Variants in SI observed in about 807,000 individuals in gnomAD.
SI encodes sucrase-isomaltase.
Under a neutral mutation model 253.3 loss-of-function variants are expected in SI, and 235 were observed. The ratio of observed to expected loss-of-function variants is 0.93; its 90% CI spans 0.83 to 1.03. The LOEUF (loss-of-function observed/expected upper bound fraction) is 1.03. Among genes scored for constraint, SI ranks in the 50% least tolerant of loss-of-function variants. The pLI, the probability that SI is intolerant of heterozygous loss-of-function variation, is 0.00. For missense variants in SI, 2,442 were observed against 2,211.1 expected (o/e 1.10, Z -2.09); for synonymous variants, 819 against 712.0 (o/e 1.15, Z -2.39).
At chr3:165,090,188 C>G in the SI span, among the ~76,000 whole-genome samples, 1 of 151,222 alleles carries the variant, frequency 6.6e-6, no homozygotes, top group Non-Finnish European at 1.5e-5. Context: ...AGAACCCCCC[C>G]GCATTGTCTC....
upstream of SI, among the ~76,000 whole-genome samples, chr3:165,083,214 G>A (rs1158306923): frequency 1.3e-5 from 2 of 151,828 alleles, no homozygotes; most frequent in Non-Finnish European, 2.9e-5. Flanking sequence ...AATAGGGTAT[G>A]TGGCTGTCCA....
At chr3:165,072,999 A>G (rs1307554917) in intron 3 of SI, among the ~76,000 whole-genome samples, 1 of 152,136 alleles carries the variant, frequency 6.6e-6, no homozygotes, top group Admixed American at 6.6e-5. Context: ...TCACAAATAT[A>G]GTTTATTTCA....
chr3:165,078,745 T>C (rs985003646), upstream of SI, among the ~76,000 whole-genome samples: 5 of 151,638 alleles, frequency 3.3e-5, no homozygotes, highest in Non-Finnish European at 7.4e-5. Context: ...TAGTTCTTTC[T>C]ATTTTTTCTC....
At chr3:165,014,608 GA>G (rs1232673756) in intron 33 of SI, among the ~76,000 whole-genome samples, 1 of 151,950 alleles carries the variant, frequency 6.6e-6, no homozygotes. Flanking sequence ...TTTACTATGA[GA>G]TTTTTTTCTT....
Position 164,994,287 on chromosome 3 carries a change from C to T in SI, c.4811G>A (p.Gly1604Asp). The T allele has an allele frequency of 1.9e-6, 3 of 1,611,006 alleles. No individual in the cohort carries two copies. Among genetic ancestry groups the T allele is most frequent in the South Asian group, 1.1e-5 (1 of 91,042 alleles). ...CAAAAGGGGTCGGATAACAGTGCCA[C>T]CATTAGCATGAATTTCATGCATTTG... ...YTQMHEIHANGGTVIRPLLHE... is the reference protein window; with the variant it reads ...YTQMHEIHANDGTVIRPLLHE... Residue 1604 changes from glycine (G) to aspartate (D), a missense_variant, in exon 41 of 48, where the codon GGT (glycine) becomes GAT (aspartate). Gly to Asp is a moderately conservative substitution (Grantham distance 94). Coordinates refer to ENST00000264382, the MANE Select transcript of SI (RefSeq NM_001041.4).
At chr3:165,072,517 C>T (rs570787933) in intron 3 of SI, among the ~76,000 whole-genome samples, 324 of 151,954 alleles carry the variant, frequency 2.1e-3, no homozygotes, top group African/African-American at 7.5e-3. Context: ...TATTTAGGCC[C>T]GTTTTCTAAT....
the SI span, among the ~76,000 whole-genome samples, chr3:165,083,643 G>T: frequency 6.6e-6 from 1 of 152,006 alleles, no homozygotes; most frequent in South Asian, 2.1e-4. Flanking sequence ...CAAGATATTG[G>T]CCATTGAATT....
At chr3:165,041,775 T>G (rs1371532328) in intron 17 of SI, among the ~76,000 whole-genome samples, 1 of 152,070 alleles carries the variant, frequency 6.6e-6, no homozygotes, top group South Asian at 2.1e-4. Flanking sequence ...ATAACAATAT[T>G]AACTGAAGAC....
rs1265089938 is a variant in SI, at chr3:165,021,343, G to A, written c.3140C>T (p.Pro1047Leu). ...TATTGGGGTGGTTGGAATGTTTAACGGTACTGGTACTTCATATCTCTTCTT... is the reference window on the plus strand; with the variant it reads ...TATTGGGGTGGTTGGAATGTTTAACAGTACTGGTACTTCATATCTCTTCTT... ...PQKKRYEVPV[P>L]LNIPTTPIST... is the part of the protein sequence containing the mutation. Residue 1047 changes from proline to leucine, a missense_variant, in exon 27 of 48, where the codon CCG becomes CTG. Transcript: ENST00000264382. The A allele has an allele frequency of 6.2e-6, 10 of 1,610,318 alleles. No individual in the cohort carries two copies. The East Asian group carries it at 1.1e-4, about 18-fold the overall frequency.
intron 16 of SI, 34 bp from the exon 17 acceptor site, chr3:165,043,209 T>C: frequency 1.4e-6 from 2 of 1,445,200 alleles, no homozygotes; most frequent in Non-Finnish European, 1.9e-6. Flanking sequence ...TTTATAATGT[T>C]AAGATTCTCA....
chr3:165,029,946 C>T (rs1175479583), intron 25 of SI, among the ~76,000 whole-genome samples: 1 of 150,398 alleles, frequency 6.6e-6, no homozygotes, highest in Non-Finnish European at 1.5e-5. Flanking sequence ...GATTATGCTG[C>T]TTTAACAATT....
chr3:164,990,668 G>T (rs1279189163), intron 44 of SI, among the ~76,000 whole-genome samples: 2 of 152,056 alleles, frequency 1.3e-5, no homozygotes, highest in African/African-American at 4.8e-5. Flanking sequence ...AACACCGCAT[G>T]TTCTCAGTCA....
At chr3:165,032,466 T>A in intron 24 of SI, 56 bp downstream of exon 24, 1 of 1,188,792 alleles carries the variant, frequency 8.4e-7, no homozygotes, top group Non-Finnish European at 1.2e-6. Flanking sequence ...AATGGTTATA[T>A]AATATTAAAT....
In SI at chr3:165,068,915, C is replaced by A. The variant is rs910595696; in HGVS notation, c.374-84G>T. On this transcript the variant is annotated intron_variant, in intron 4 of 47. Coordinates refer to ENST00000264382, the MANE Select transcript of SI (RefSeq NM_001041.4). ...AAATATATTTATGTTATTGTATTTA[C>A]CACAAATGAGTACTTTTTAAATTTG... 4 of 1,039,530 alleles carry A rather than the reference C, an allele frequency of 3.8e-6. No homozygotes were observed. In the African/African-American group the frequency reaches 6.4e-5, roughly 17 times the overall value. The allele number at this position is 1,039,530 out of a possible 1,614,324, so 64.4% of individuals were successfully genotyped here. A position where few individuals can be genotyped will look rare whatever the true frequency, so the allele number is the denominator to read the frequency against.
At chr3:165,059,709 A>T (rs1217962338) in intron 10 of SI, among the ~76,000 whole-genome samples, 193 bp downstream of exon 10, 1 of 152,002 alleles carries the variant, frequency 6.6e-6, no homozygotes, top group Non-Finnish European at 1.5e-5. Flanking sequence ...TGATTCTTCA[A>T]AAGCATATAT....
At chr3:165,085,005 A>C in the SI span, among the ~76,000 whole-genome samples, 20 of 152,236 alleles carry the variant, frequency 1.3e-4, no homozygotes, top group African/African-American at 4.8e-4. Context: ...TGGCAAATAA[A>C]TTGAGAATCC....
chr3:165,000,826 A>C (rs1046277301), intron 37 of SI, among the ~76,000 whole-genome samples: 11 of 151,430 alleles, frequency 7.3e-5, no homozygotes, highest in Non-Finnish European at 1.5e-4. Context: ...AAGCCAGAAG[A>C]GTTTGTTCTT....
At chr3:165,070,137 G>T (rs1446567565) in intron 3 of SI, among the ~76,000 whole-genome samples, 1 of 143,332 alleles carries the variant, frequency 7.0e-6, no homozygotes, top group African/African-American at 2.5e-5. Flanking sequence ...AAGTATATGG[G>T]ATATATGTAT....
rs1423338292 is a variant in SI at position 164,989,389 on chromosome 3, G to GAAGGAAGA, written c.5108+1963_5108+1964insTCTTCCTT. Among the ~76,000 whole-genome samples the GAAGGAAGA allele has an allele frequency of 1.0e-4, 6 of 59,506 alleles. No homozygotes were observed. In the Admixed American group the frequency reaches 1.3e-3, roughly 13 times the overall value. 39.0% of individuals were successfully genotyped at this position (59,506 alleles called of 152,430 possible). A position where few individuals can be genotyped will look rare whatever the true frequency, so the allele number is the denominator to read the frequency against. On this transcript the variant is annotated intron_variant, in intron 44 of 47. Coordinates refer to ENST00000264382, the MANE Select transcript of SI (RefSeq NM_001041.4). ...GAAAGAAAGGAAGAAAGAAAGAAAG[G>GAAGGAAGA]AAGAAAGAAAGAAAGAAAGAAAGAA...
Sources: gnomAD v4.1 joint callset for allele counts (sites outside exome capture counted in the v4.1 genomes callset) on GRCh38, gnomAD v4.1.1 for gene constraint, MANE v1.5 for transcripts, NCBI Gene and HGNC (gene_info 2026-07-23, HGNC 2026-07-21) for gene names.